Variants in KCNH1 observed in about 807,000 individuals in gnomAD.
The protein encoded by KCNH1 is potassium voltage-gated channel subfamily H member 1, also known as voltage-gated delayed rectifier potassium channel KCNH1.
A neutral mutation model predicts 69.2 loss-of-function variants in KCNH1; 27 were observed. That is an observed-to-expected ratio of 0.39 (90% CI 0.29 to 0.54). The LOEUF is 0.54. Among genes scored for constraint, KCNH1 ranks in the 20% least tolerant of loss-of-function variants. The probability of loss-of-function intolerance (pLI) is 0.68; values close to 1 mark genes in which losing one functional copy is unlikely to be tolerated. For missense variants in KCNH1, 798 were observed against 1,261.6 expected (o/e 0.63, Z 5.57); for synonymous variants, 456 against 487.7 (o/e 0.93, Z 0.86).
At position 211,133,734 on chromosome 1, in the gene KCNH1, G is replaced by T. The variant is rs1011688489; in HGVS notation, c.79+133C>A. 7 of 769,820 alleles carry T rather than the reference G, an allele frequency of 9.1e-6. No individual in the cohort carries two copies. Among genetic ancestry groups the T allele is most frequent in the East Asian group, 2.9e-5 (1 of 35,072 alleles). 47.7% of individuals were successfully genotyped at this position (769,820 alleles called of 1,614,324 possible). A position where few individuals can be genotyped will look rare whatever the true frequency, so the allele number is the denominator to read the frequency against. On this transcript the variant is annotated intron_variant, in intron 1 of 10. Transcript: ENST00000271751. The surrounding 1 kb of genome is among the most constrained non-coding windows in gnomAD (Gnocchi z 5.4). ...TTCTCTGCCTCGGGGAGGCTGCCCT[G>T]GGTGCCCGCGCCGCGGCTCCTTAGC...
intron 10 of KCNH1, among the ~76,000 whole-genome samples, chr1:210,688,589 A>C (rs1681457596): frequency 6.6e-6 from 1 of 152,210 alleles, no homozygotes; most frequent in African/African-American, 2.4e-5. Flanking sequence ...GTGAAAATAA[A>C]ACCCTAAAGG....
At position 210,851,774 on chromosome 1, in the gene KCNH1, T is replaced by A. The variant is rs570277324; in HGVS notation, c.1463-47608A>T. 2.6e-4 allele frequency among the ~76,000 whole-genome samples: 39 copies of A among 152,340 alleles called. 1 individual carries two copies. In the South Asian group the frequency reaches 7.9e-3, roughly 31 times the overall value. On this transcript the variant is annotated intron_variant, in intron 7 of 10. Transcript: ENST00000271751. The stretch of plus-strand genomic sequence containing the variant: ...AGCTATAATAACACGATGGTAAGTA[T>A]CTGGGTATCTACAAATACCTAAACA...
intron 5 of KCNH1, among the ~76,000 whole-genome samples, chr1:211,071,213 G>A (rs532904420): frequency 9.2e-5 from 14 of 152,226 alleles, no homozygotes; most frequent in South Asian, 4.1e-4. Context: ...GCAGGCAACC[G>A]CAGCTGCAGA....
At chr1:210,689,936 T>G (rs1189427677) in intron 10 of KCNH1, among the ~76,000 whole-genome samples, 1 of 152,218 alleles carries the variant, frequency 6.6e-6, no homozygotes, top group Non-Finnish European at 1.5e-5. Flanking sequence ...CCTGGATGGA[T>G]GGATGGTGAG....
chr1:211,131,089 G>C (rs1245175112), intron 1 of KCNH1, among the ~76,000 whole-genome samples: 1 of 151,962 alleles, frequency 6.6e-6, no homozygotes, highest in Admixed American at 6.6e-5. Context: ...AATGGTTTGG[G>C]GCCTCATTAG....
At chr1:210,718,647 TATATACACACACACACAC>T (rs1682365507) in intron 10 of KCNH1, among the ~76,000 whole-genome samples, 2 of 70,466 alleles carry the variant, frequency 2.8e-5, no homozygotes, top group African/African-American at 2.1e-4. Context: ...TATACATATA[TATATACACACACACACAC>T]ACACACACAC....
rs566686406 is a variant in KCNH1, at chr1:210,935,478, T to C, written c.1033-15409A>G. ...CAGGGTGACTACAATTAATAAGTTG[T>C]TATATGTTTTTAAATAGCTAAAAGA... On this transcript the variant is annotated intron_variant, in intron 6 of 10. Transcript: ENST00000271751. 3.9e-5 allele frequency among the ~76,000 whole-genome samples: 6 copies of C among 152,252 alleles called. No individual in the cohort carries two copies. The East Asian group carries it at 9.7e-4, about 25-fold the overall frequency.
intron 6 of KCNH1, among the ~76,000 whole-genome samples, chr1:211,018,257 C>T (rs552957419): frequency 6.6e-6 from 1 of 152,290 alleles, no homozygotes; most frequent in Admixed American, 6.5e-5. Context: ...TGCCTGACTA[C>T]CTCAGTAAAT....
intron 10 of KCNH1, among the ~76,000 whole-genome samples, chr1:210,690,588 G>A (rs1681507522): frequency 6.6e-6 from 1 of 152,202 alleles, no homozygotes; most frequent in Non-Finnish European, 1.5e-5. Context: ...CTGCAGATGG[G>A]CAGATAGGAT....
At chr1:211,042,701 A>C (rs1213284672) in intron 5 of KCNH1, among the ~76,000 whole-genome samples, 1 of 152,234 alleles carries the variant, frequency 6.6e-6, no homozygotes, top group African/African-American at 2.4e-5. Flanking sequence ...TTTCTCCAAG[A>C]TAGACCATAT....
rs368913234 is a variant in KCNH1 at position 210,983,739 on chromosome 1, C to G, written c.1032+35044G>C. Among the ~76,000 whole-genome samples, 3 of 151,964 alleles carry G rather than the reference C, an allele frequency of 2.0e-5. No individual in the cohort carries two copies. The East Asian group carries it at 5.8e-4, about 29-fold the overall frequency. ...CAGCTTTGTTCTTTTGGCTTAGCAT[C>G]GACTTGGCGATGCGGGCTCTTTTTT... On this transcript the variant is annotated intron_variant, in intron 6 of 10. Coordinates refer to ENST00000271751, the MANE Select transcript of KCNH1 (RefSeq NM_172362.3).
chr1:210,988,211 C>T (rs549862552), intron 6 of KCNH1, among the ~76,000 whole-genome samples: 8 of 152,192 alleles, frequency 5.3e-5, no homozygotes, highest in Admixed American at 1.3e-4. Flanking sequence ...AAAGGGAATT[C>T]CCTGACCCCT....
chr1:210,755,250 T>G (rs1375896747), intron 10 of KCNH1, among the ~76,000 whole-genome samples: 2 of 152,152 alleles, frequency 1.3e-5, no homozygotes, highest in Admixed American at 6.5e-5. Flanking sequence ...AAAAGCTGCT[T>G]AAAATGATTA....
At chr1:211,128,282 C>CAAA (rs374161835) in intron 1 of KCNH1, among the ~76,000 whole-genome samples, 1 of 54,860 alleles carries the variant, frequency 1.8e-5, no homozygotes, top group Non-Finnish European at 4.0e-5. Flanking sequence ...GATTCTGTCT[C>CAAA]AAAAAAAAAA....
chr1:210,710,282 G>A (rs576153816), intron 10 of KCNH1, among the ~76,000 whole-genome samples: 1 of 152,196 alleles, frequency 6.6e-6, no homozygotes, highest in East Asian at 1.9e-4. Flanking sequence ...TGCAGGACTG[G>A]AAGTTGCTCT....
chr1:211,051,306 C>T (rs1354183329), intron 5 of KCNH1, among the ~76,000 whole-genome samples: 1 of 152,136 alleles, frequency 6.6e-6, no homozygotes, highest in Non-Finnish European at 1.5e-5. Flanking sequence ...CTGAGAGACA[C>T]TAATTCTGCC....
At chr1:210,839,819 A>G (rs1392230046) in intron 7 of KCNH1, among the ~76,000 whole-genome samples, 3 of 152,304 alleles carry the variant, frequency 2.0e-5, no homozygotes, top group East Asian at 3.9e-4. Context: ...TAAAGAAAAA[A>G]CAATTTGTAT....
At chr1:210,845,816 A>T (rs11119617) in intron 7 of KCNH1, among the ~76,000 whole-genome samples, 40,977 of 148,962 alleles carry the variant, frequency 0.28, 4,591 homozygotes, top group East Asian at 0.42. Context: ...ACATGATTGT[A>T]TATCTAGAAA....
rs557036842 is a variant in KCNH1, at chr1:210,754,978, G to A, written c.2112+20370C>T. Reference sequence around the variant, plus strand: ...AGCAAACTTCCAGCCATGGGTGTGGGAGCATGCATGCACATGTACAAGTGC... The same window carrying A: ...AGCAAACTTCCAGCCATGGGTGTGGAAGCATGCATGCACATGTACAAGTGC... On this transcript the variant is annotated intron_variant, in intron 10 of 10. Transcript: ENST00000271751. Among the ~76,000 whole-genome samples the A allele has an allele frequency of 2.6e-5, 4 of 152,236 alleles. No homozygotes were observed. The South Asian group carries it at 8.3e-4, about 32-fold the overall frequency.
Sources: gnomAD v4.1 joint callset for allele counts (sites outside exome capture counted in the v4.1 genomes callset) on GRCh38, gnomAD v4.1.1 for gene constraint, Gnocchi (gnomAD v3.1) non-coding constraint, MANE v1.5 for transcripts, NCBI Gene and HGNC (gene_info 2026-07-23, HGNC 2026-07-21) for gene names.